The following DPY19L2 variants were observed in gnomAD, a reference collection of about 807,000 sequenced individuals.
DPY19L2 encodes probable C-mannosyltransferase DPY19L2.
In DPY19L2, 34 loss-of-function variants were observed where a neutral mutation model predicts 97.9. The ratio of observed to expected loss-of-function variants is 0.35; its 90% confidence interval spans 0.26 to 0.46. The LOEUF is 0.46. DPY19L2 is among the 20% of genes least tolerant of loss of function. The pLI is 1.00. For missense variants in DPY19L2, 623 were observed against 911.4 expected (o/e 0.68, Z 4.07); for synonymous variants, 230 against 307.9 (o/e 0.75, Z 2.65).
chr12:63,629,619 G>A (rs1240908125), intron 6 of DPY19L2, among the ~76,000 whole-genome samples: 1 of 152,154 alleles, frequency 6.6e-6, no homozygotes, highest in Non-Finnish European at 1.5e-5. Flanking sequence ...TGGGGAGAAT[G>A]GAACCAAGTT....
At chr12:63,642,432 T>C (rs1892829174) in intron 6 of DPY19L2, among the ~76,000 whole-genome samples, 1 of 152,120 alleles carries the variant, frequency 6.6e-6, no homozygotes, top group Admixed American at 6.5e-5. Context: ...TATTATACGC[T>C]GAACATTTTA....
intron 21 of DPY19L2, among the ~76,000 whole-genome samples, chr12:63,568,506 T>C (rs1318904462): frequency 6.6e-6 from 1 of 152,132 alleles, no homozygotes; most frequent in East Asian, 1.9e-4. Context: ...CTTGAATCGG[T>C]TTCTATTAAC....
intron 4 of DPY19L2, among the ~76,000 whole-genome samples, chr12:63,654,336 G>GA (rs1213299908): frequency 3.3e-5 from 5 of 151,930 alleles, no homozygotes; most frequent in Admixed American, 6.6e-5. Flanking sequence ...GTGATATATT[G>GA]AAAAAATAGA....
intron 6 of DPY19L2, among the ~76,000 whole-genome samples, chr12:63,634,481 G>C (rs1891297131): frequency 6.6e-6 from 1 of 152,074 alleles, no homozygotes; most frequent in Non-Finnish European, 1.5e-5. Flanking sequence ...AGCAGGGTGG[G>C]GCATCACCTC....
At chr12:63,651,761 A>AG (rs112703132) in intron 4 of DPY19L2, 19,033 of 340,812 alleles carry the variant, frequency 0.056, 816 homozygotes, top group African/African-American at 0.14. Flanking sequence ...TCATGAATAA[A>AG]GAGCTGGCTG....
intron 6 of DPY19L2, among the ~76,000 whole-genome samples, chr12:63,627,656 C>T (rs1889801811): frequency 6.6e-6 from 1 of 152,124 alleles, no homozygotes; most frequent in Admixed American, 6.5e-5. Context: ...GGCCAAAAAC[C>T]ATTTCTTAAA....
intron 2 of DPY19L2, 99 bp from the exon 3 acceptor site, chr12:63,663,944 G>A (rs1438887706): frequency 2.6e-6 from 2 of 756,982 alleles, no homozygotes; most frequent in Non-Finnish European, 4.2e-6. Context: ...ACAATAAATT[G>A]TTATATTAAT....
intron 6 of DPY19L2, among the ~76,000 whole-genome samples, chr12:63,638,973 C>T (rs1434641476): frequency 6.6e-6 from 1 of 152,186 alleles, no homozygotes; most frequent in Non-Finnish European, 1.5e-5. Flanking sequence ...GCTACAGTAA[C>T]CAAAACAGCA....
intron 9 of DPY19L2, among the ~76,000 whole-genome samples, chr12:63,619,001 C>A (rs3884367): frequency 0.28 from 42,680 of 151,812 alleles, 6,583 homozygotes; most frequent in African/African-American, 0.43. Flanking sequence ...TGTTCTATAA[C>A]CCTCTAAATA....
intron 6 of DPY19L2, among the ~76,000 whole-genome samples, chr12:63,643,207 C>A (rs1423195954): frequency 6.6e-6 from 1 of 151,576 alleles, no homozygotes; most frequent in Admixed American, 6.6e-5. Flanking sequence ...TTTAAGAACA[C>A]TTATTTCTTT....
At chr12:63,593,091 T>C (rs1456949354) in intron 16 of DPY19L2, among the ~76,000 whole-genome samples, 2 of 151,978 alleles carry the variant, frequency 1.3e-5, no homozygotes, top group Middle Eastern at 3.4e-3. Flanking sequence ...CACAATGAGA[T>C]ACCATCTCAC....
intron 4 of DPY19L2, among the ~76,000 whole-genome samples, chr12:63,653,568 T>C (rs758584152): frequency 1.3e-5 from 2 of 151,592 alleles, no homozygotes; most frequent in Non-Finnish European, 2.9e-5. Flanking sequence ...AATACATACA[T>C]AAATAAATAA....
At chr12:63,628,082 G>A (rs1422380187) in intron 6 of DPY19L2, among the ~76,000 whole-genome samples, 1 of 152,132 alleles carries the variant, frequency 6.6e-6, no homozygotes, top group Admixed American at 6.5e-5. Flanking sequence ...GAGTTGGTGA[G>A]GGGTGGAGCC....
At chr12:63,650,591 T>TA (rs1357621181) in intron 4 of DPY19L2, among the ~76,000 whole-genome samples, 5 of 151,670 alleles carry the variant, frequency 3.3e-5, no homozygotes, top group Non-Finnish European at 5.9e-5. Flanking sequence ...AAAAAAGTAA[T>TA]AAAAAAACTT....
At chr12:63,641,303 T>G (rs1165467984) in intron 6 of DPY19L2, among the ~76,000 whole-genome samples, 2 of 152,150 alleles carry the variant, frequency 1.3e-5, no homozygotes, top group African/African-American at 4.8e-5. Flanking sequence ...GAGCTTATAT[T>G]TTTTCTATAT....
intron 5 of DPY19L2, among the ~76,000 whole-genome samples, chr12:63,645,238 T>C (rs1214980185): frequency 6.6e-6 from 1 of 152,198 alleles, no homozygotes; most frequent in Non-Finnish European, 1.5e-5. Flanking sequence ...TATTTCACTT[T>C]AACTGGCTGG....
chr12:63,607,051 C>T (rs1445193866), intron 12 of DPY19L2, among the ~76,000 whole-genome samples: 1 of 152,076 alleles, frequency 6.6e-6, no homozygotes, highest in Admixed American at 6.5e-5. Flanking sequence ...GCTTAAAAAA[C>T]ATGTAAGCTG....
chr12:63,599,491 G>A (rs1269413423), intron 13 of DPY19L2, among the ~76,000 whole-genome samples: 3 of 152,030 alleles, frequency 2.0e-5, no homozygotes, highest in Admixed American at 2.0e-4. Flanking sequence ...ATGTTATATT[G>A]CATAGAGATA....
At chr12:63,654,681 C>T (rs763252779) in intron 4 of DPY19L2, among the ~76,000 whole-genome samples, 1 of 151,970 alleles carries the variant, frequency 6.6e-6, no homozygotes, top group Non-Finnish European at 1.5e-5. Flanking sequence ...GCAGAAGTGA[C>T]GATGCCATTA....
Sources: gnomAD v4.1 joint callset for allele counts (sites outside exome capture counted in the v4.1 genomes callset) on GRCh38, gnomAD v4.1.1 for gene constraint, MANE v1.5 for transcripts, NCBI Gene and HGNC (gene_info 2026-07-23, HGNC 2026-07-21) for gene names.